CSMD3: variants seen among roughly 807,000 people sequenced by gnomAD.
CSMD3 encodes the protein CUB and Sushi multiple domains 3, also known as CUB and sushi domain-containing protein 3.
CSMD3 carries 177 observed loss-of-function variants against 435.2 expected under a neutral mutation model. That is an observed-to-expected ratio of 0.41 (90% CI 0.36 to 0.46). The LOEUF (loss-of-function observed/expected upper bound fraction) is 0.46. Ranked by LOEUF, CSMD3 falls within the 20% of genes least tolerant of loss-of-function variation. The probability of loss-of-function intolerance (pLI) is 0.34; values close to 1 mark genes in which losing one functional copy is unlikely to be tolerated. For synonymous variants in CSMD3, 1,656 were observed against 1,520.5 expected (o/e 1.09, Z -2.07); for missense variants, 4,265 against 4,504.6 (o/e 0.95, Z 1.52).
chr8:112,397,571 T>C (rs1172627705), intron 35 of CSMD3, among the ~76,000 whole-genome samples: 1 of 152,158 alleles, frequency 6.6e-6, no homozygotes, highest in East Asian at 1.9e-4. Flanking sequence ...TCAGCACTGG[T>C]AGATTTGATG....
intron 10 of CSMD3, among the ~76,000 whole-genome samples, chr8:112,914,318 A>G (rs1293177808): frequency 6.6e-6 from 1 of 151,832 alleles, no homozygotes; most frequent in Non-Finnish European, 1.5e-5. Flanking sequence ...CAATGAGATA[A>G]TACATTTCTT....
intron 5 of CSMD3, among the ~76,000 whole-genome samples, chr8:113,024,182 G>T (rs1009326874): frequency 6.6e-6 from 1 of 151,886 alleles, no homozygotes; most frequent in African/African-American, 2.4e-5. Flanking sequence ...TTATCTTTCT[G>T]TTTCTGACTT....
At chr8:112,990,302 A>G (rs546786306) in intron 6 of CSMD3, among the ~76,000 whole-genome samples, 1 of 152,062 alleles carries the variant, frequency 6.6e-6, no homozygotes, top group African/African-American at 2.4e-5. Context: ...ATAGTCAACT[A>G]TCTAGCTGAC....
At chr8:112,313,420 G>T (rs1012661551) in intron 49 of CSMD3, among the ~76,000 whole-genome samples, 1 of 152,086 alleles carries the variant, frequency 6.6e-6, no homozygotes, top group African/African-American at 2.4e-5. Context: ...ACCTCTGTAT[G>T]TTTATCCTTT....
intron 10 of CSMD3, among the ~76,000 whole-genome samples, chr8:112,888,878 C>G (rs2081692952): frequency 6.6e-6 from 1 of 151,602 alleles, no homozygotes; most frequent in Non-Finnish European, 1.5e-5. Context: ...CTGGTCACCA[C>G]AGCGTTGACT....
chr8:112,644,396 A>G (rs951661478), intron 20 of CSMD3, among the ~76,000 whole-genome samples: 1 of 152,046 alleles, frequency 6.6e-6, no homozygotes, highest in Non-Finnish European at 1.5e-5. Flanking sequence ...ATTGTTTGTT[A>G]TAGATTCCTA....
chr8:112,717,044 G>T (rs1471459282), intron 13 of CSMD3, among the ~76,000 whole-genome samples: 1 of 152,102 alleles, frequency 6.6e-6, no homozygotes. Context: ...AAAAGCAATT[G>T]CAACAGAAGC....
At chr8:113,362,328 T>C (rs1174238862) in intron 1 of CSMD3, among the ~76,000 whole-genome samples, 1 of 152,274 alleles carries the variant, frequency 6.6e-6, no homozygotes, top group African/African-American at 2.4e-5. Flanking sequence ...TTGAGTTATA[T>C]ATAGAAGAGT....
intron 2 of CSMD3, chr8:113,311,558 T>G (rs2093869002): frequency 6.6e-6 from 1 of 152,052 alleles, no homozygotes; most frequent in Non-Finnish European, 1.5e-5. Flanking sequence ...AGGACATGCA[T>G]TAAGTGAGAA....
intron 6 of CSMD3, among the ~76,000 whole-genome samples, chr8:113,003,378 A>G (rs1201376183): frequency 2.6e-5 from 4 of 152,102 alleles, no homozygotes. Context: ...TTCTCACCCT[A>G]TAAAAATCTG....
chr8:112,653,231 T>A (rs1452228370), intron 18 of CSMD3, among the ~76,000 whole-genome samples: 1 of 123,312 alleles, frequency 8.1e-6, no homozygotes, highest in Non-Finnish European at 1.8e-5. Flanking sequence ...ATAGAGCTTG[T>A]TTTTTTAAAA....
chr8:113,241,844 C>A (rs949286109), intron 3 of CSMD3, among the ~76,000 whole-genome samples: 2 of 151,734 alleles, frequency 1.3e-5, no homozygotes, highest in African/African-American at 4.8e-5. Flanking sequence ...GAAAAACATC[C>A]ATACTGACAC....
At chr8:113,364,139 A>G (rs748771610) in intron 1 of CSMD3, among the ~76,000 whole-genome samples, 5 of 152,156 alleles carry the variant, frequency 3.3e-5, no homozygotes, top group Non-Finnish European at 7.4e-5. Flanking sequence ...TTTTATGACT[A>G]TAATTGTTCT....
intron 5 of CSMD3, among the ~76,000 whole-genome samples, chr8:113,020,797 T>A (rs899511165): frequency 6.6e-6 from 1 of 152,174 alleles, no homozygotes. Flanking sequence ...CTTTTGGCAA[T>A]TAGTCATGCT....
intron 69 of CSMD3, among the ~76,000 whole-genome samples, chr8:112,229,627 C>A (rs1812902510): frequency 6.6e-6 from 1 of 152,036 alleles, no homozygotes; most frequent in African/African-American, 2.4e-5. Flanking sequence ...CAGGGTTTCA[C>A]CATGTTGCCC....
At chr8:112,513,447 T>C (rs967528567) in intron 28 of CSMD3, among the ~76,000 whole-genome samples, 4 of 152,126 alleles carry the variant, frequency 2.6e-5, no homozygotes, top group Non-Finnish European at 5.9e-5. Flanking sequence ...TCAAAACACA[T>C]ATTTATTGGT....
chr8:112,778,918 C>A (rs1243070297), intron 13 of CSMD3, among the ~76,000 whole-genome samples: 1 of 151,868 alleles, frequency 6.6e-6, no homozygotes, highest in Non-Finnish European at 1.5e-5. Flanking sequence ...ATTTGCAATT[C>A]CCTAATGACA....
chr8:112,920,777 A>G (rs1235161349), intron 10 of CSMD3, among the ~76,000 whole-genome samples: 1 of 151,818 alleles, frequency 6.6e-6, no homozygotes, highest in Non-Finnish European at 1.5e-5. Flanking sequence ...AAGGTACCCC[A>G]GTTGGTTGTG....
chr8:112,353,038 T>C (rs534329756), intron 38 of CSMD3, among the ~76,000 whole-genome samples: 23 of 152,302 alleles, frequency 1.5e-4, no homozygotes, highest in African/African-American at 5.1e-4. Context: ...TCTTATTATA[T>C]GTAAAATTTT....
Sources: gnomAD v4.1 joint callset for allele counts (sites outside exome capture counted in the v4.1 genomes callset) on GRCh38, gnomAD v4.1.1 for gene constraint, MANE v1.5 for transcripts, NCBI Gene and HGNC (gene_info 2026-07-23, HGNC 2026-07-21) for gene names.